The following MGME1 variants were observed in gnomAD, a reference collection of about 807,000 sequenced individuals.
MGME1 encodes chromosome 20 open reading frame 72.
In MGME1, 22 loss-of-function variants were observed where a neutral mutation model predicts 33.0. The ratio of observed to expected loss-of-function variants is 0.67; its 90% confidence interval spans 0.48 to 0.95. MGME1 has a LOEUF of 0.95. Ranked by LOEUF, MGME1 falls within the 40% of genes least tolerant of loss-of-function variation. The pLI is 0.00. For synonymous variants in MGME1, 133 were observed against 144.0 expected, an observed-to-expected ratio of 0.92 and a Z score of 0.55; for missense variants, 383 against 397.8, an observed-to-expected ratio of 0.96 and a Z score of 0.32.
chr20:17,970,561 A>G (rs1164944904), intron 2 of MGME1, among the ~76,000 whole-genome samples, 191 bp downstream of exon 2: 2 of 152,248 alleles, frequency 1.3e-5, no homozygotes, highest in Non-Finnish European at 2.9e-5. Context: ...CCTGTGGAGT[A>G]TAGATACTGT....
chr20:17,970,076 G>A lies in MGME1; in HGVS notation c.217G>A (p.Glu73Lys), dbSNP rs1283286398. 6.2e-7 allele frequency: 1 copy of A among 1,614,238 alleles called. No homozygotes were observed. The highest frequency in any genetic ancestry group is 8.5e-7 in the Non-Finnish European group (1 of 1,180,050). Residue 73 changes from glutamate (E) to lysine (K), a missense_variant, in exon 2 of 5, where the codon GAG becomes AAG. By Grantham distance (56) the Glu-to-Lys change is moderately conservative. Transcript: ENST00000377710. Reference protein sequence around the residue: ...RGVAQTPGSVEEDALLCGPVS... With the variant: ...RGVAQTPGSVKEDALLCGPVS... ...CGTCGCCCAGACCCCGGGATCGGTG[G>A]AGGAAGATGCTTTGCTCTGTGGACC...
intron 3 of MGME1, among the ~76,000 whole-genome samples, chr20:17,987,645 T>G (rs939779595): frequency 2.6e-5 from 4 of 152,192 alleles, no homozygotes; most frequent in Non-Finnish European, 5.9e-5. Flanking sequence ...TGCTCTAGAC[T>G]GAGTTTGCAT....
Position 17,975,654 on chromosome 20 carries a change from C to T in MGME1, c.512-30C>T, listed in dbSNP as rs113808280. 29 of 1,531,702 alleles carry T rather than the reference C, an allele frequency of 1.9e-5. 1 individual carries two copies. In the African/African-American group the frequency reaches 2.5e-4, roughly 13 times the overall value. 94.9% of individuals were successfully genotyped at this position (1,531,702 alleles called of 1,614,324 possible). A position where few individuals can be genotyped will look rare whatever the true frequency, so the allele number is the denominator to read the frequency against. On this transcript the variant is annotated intron_variant, in intron 2 of 4. Transcript: ENST00000377710. ...AGTGTTAGCTTTGTTTGTGTTTCCCCCCTCCCCTTTTCCCTGATTTTCTTT... is the reference window on the plus strand; with the variant it reads ...AGTGTTAGCTTTGTTTGTGTTTCCCTCCTCCCCTTTTCCCTGATTTTCTTT...
Position 17,970,093 on chromosome 20 carries a change from C to G in MGME1, c.234C>G (p.Leu78=), listed in dbSNP as rs560737630. ...GATCGGTGGAGGAAGATGCTTTGCT[C>G]TGTGGACCCGTGAGCAAGCATAAGC... The part of the protein sequence containing the change: ...TPGSVEEDAL[L]CGPVSKHKLP... The change falls in exon 2 of 5, where the codon CTC becomes CTG. Residue 78 remains leucine, a synonymous_variant. Coordinates refer to ENST00000377710, the MANE Select transcript of MGME1 (RefSeq NM_052865.4). 1.2e-5 allele frequency: 19 copies of G among 1,614,228 alleles called. No individual in the cohort carries two copies. In the Admixed American group the frequency reaches 2.0e-4, roughly 17 times the overall value.
chr20:17,971,652 G>A (rs1314414785), intron 2 of MGME1, among the ~76,000 whole-genome samples: 1 of 152,098 alleles, frequency 6.6e-6, no homozygotes, highest in Admixed American at 6.5e-5. Context: ...TTTCTGTTTG[G>A]AATGTGAATG....
chr20:17,968,869 T>C (rs2035628477), upstream of MGME1: 1 of 169,796 alleles, frequency 5.9e-6, no homozygotes, highest in Admixed American at 6.4e-5. Context: ...CGTCACCAGA[T>C]CTCGTGAGAG....
At chr20:17,978,743 T>A (rs10485576) in intron 3 of MGME1, among the ~76,000 whole-genome samples, 1 of 152,230 alleles carries the variant, frequency 6.6e-6, no homozygotes, top group East Asian at 1.9e-4. Context: ...CTTGGTAATA[T>A]GAACATTTTT....
chr20:17,987,920 G>T lies in MGME1; in HGVS notation c.732-246G>T, dbSNP rs543258276. ...AAAAAAAGAGGGAGAAAAAGTGGGG[G>T]GGTGCACTTATAGTCCCAGCTACTT... On this transcript the variant is annotated intron_variant, in intron 3 of 4. Coordinates refer to ENST00000377710, the MANE Select transcript of MGME1 (RefSeq NM_052865.4). Among the ~76,000 whole-genome samples the T allele has an allele frequency of 1.7e-3, 259 of 152,020 alleles. 2 individuals are homozygous for T. Among genetic ancestry groups the T allele is most frequent in the Non-Finnish European group, 1.6e-3 (108 of 67,988 alleles).
chr20:17,974,427 C>T (rs1490724411), intron 2 of MGME1, among the ~76,000 whole-genome samples: 2 of 152,062 alleles, frequency 1.3e-5, no homozygotes, highest in African/African-American at 2.4e-5. Context: ...TGGAGGCCAA[C>T]GAGCACTGAA....
At chr20:17,979,847 T>C (rs1009549863) in intron 3 of MGME1, among the ~76,000 whole-genome samples, 4 of 152,086 alleles carry the variant, frequency 2.6e-5, no homozygotes, top group Non-Finnish European at 5.9e-5. Context: ...TCCTTCCACC[T>C]CAGCTTCCCA....
rs537608341 is a variant in MGME1, at chr20:17,990,410, T to TGGG, written c.*312_*314dup. ...ACTCTTGTACTCCCTTGAGGGACAT[T>TGGG]GGGGGGGGGGGGGCGTGGTCCCAGG... On this transcript the variant is annotated 3_prime_UTR_variant, in exon 5 of 5. Transcript: ENST00000377710. 1,602 of 44,884 alleles carry TGGG rather than the reference T, an allele frequency of 0.036. 23 individuals carry two copies. Among genetic ancestry groups the TGGG allele is most frequent in the South Asian group, 0.054 (140 of 2,598 alleles). The allele number at this position is 44,884 out of a possible 1,614,324, so 2.8% of individuals were successfully genotyped here. A position where few individuals can be genotyped will look rare whatever the true frequency, so the allele number is the denominator to read the frequency against.
chr20:17,988,110 T>A, intron 3 of MGME1, 56 bp from the exon 4 acceptor site: 1 of 1,531,356 alleles, frequency 6.5e-7, no homozygotes, highest in Non-Finnish European at 8.9e-7. Flanking sequence ...GTTAACCTAG[T>A]AGAGATTTTC....
At chr20:17,986,909 G>A (rs6136249) in intron 3 of MGME1, among the ~76,000 whole-genome samples, 38,328 of 151,386 alleles carry the variant, frequency 0.25, 5,510 homozygotes, top group East Asian at 0.43. Context: ...AATATAACAT[G>A]GTGGCTCACA....
chr20:17,976,958 G>A (rs2035885051), intron 3 of MGME1, among the ~76,000 whole-genome samples: 1 of 152,006 alleles, frequency 6.6e-6, no homozygotes, highest in Non-Finnish European at 1.5e-5. Flanking sequence ...ACCACGCCCG[G>A]TCCCCATGGT....
At chr20:17,973,371 AG>A (rs2122506616) in intron 2 of MGME1, among the ~76,000 whole-genome samples, 2 of 151,206 alleles carry the variant, frequency 1.3e-5, no homozygotes, top group East Asian at 3.9e-4. Context: ...TTGAAGGCCG[AG>A]TGCAGTGGCT....
chr20:17,973,275 T>C (rs1032726338), intron 2 of MGME1, among the ~76,000 whole-genome samples: 4 of 151,314 alleles, frequency 2.6e-5, no homozygotes, highest in African/African-American at 9.7e-5. Flanking sequence ...ACCTGGGAGG[T>C]GGAGATTGCA....
intron 3 of MGME1, among the ~76,000 whole-genome samples, chr20:17,978,770 T>G (rs1446305965): frequency 2.5e-4 from 38 of 152,056 alleles, no homozygotes; most frequent in Non-Finnish European, 5.9e-5. Flanking sequence ...ACGGTTTTTT[T>G]TTGTTGTTTT....
At chr20:17,987,548 A>G (rs891032177) in intron 3 of MGME1, among the ~76,000 whole-genome samples, 31 of 152,166 alleles carry the variant, frequency 2.0e-4, no homozygotes, top group African/African-American at 7.5e-4. Context: ...TTAAAATTTC[A>G]GCTGTATTTT....
At chr20:17,975,429 C>T (rs1037732669) in intron 2 of MGME1, among the ~76,000 whole-genome samples, 3 of 151,880 alleles carry the variant, frequency 2.0e-5, no homozygotes, top group East Asian at 3.9e-4. Flanking sequence ...CGGTGGCGGG[C>T]GCCTGTAATC....
Sources: allele counts gnomAD v4.1 joint callset (sites outside exome capture counted in the v4.1 genomes callset), GRCh38; gene constraint gnomAD v4.1.1; transcripts MANE v1.5; gene names NCBI Gene and HGNC (gene_info 2026-07-23, HGNC 2026-07-21).